PRXL2C: variants seen among roughly 807,000 people sequenced by gnomAD.
PRXL2C encodes the protein peroxiredoxin like 2C, also known as peroxiredoxin-like 2C.
A neutral mutation model predicts 24.9 loss-of-function variants in PRXL2C; 38 were observed. The ratio of observed to expected loss-of-function variants is 1.53; its 90% CI spans 1.18 to 2.00. The LOEUF is 2.00. PRXL2C is among the 30% of genes most tolerant of loss of function. The pLI is 0.00. For missense variants in PRXL2C, 294 were observed against 290.9 expected (o/e 1.01, Z -0.08); for synonymous variants, 98 against 117.2 (o/e 0.84, Z 1.06).
At chr9:96,643,452 TAGTC>T (rs998175148) in intron 5 of PRXL2C, among the ~76,000 whole-genome samples, 2 of 152,146 alleles carry the variant, frequency 1.3e-5, no homozygotes, top group African/African-American at 4.8e-5. Flanking sequence ...TTCACCGTGT[TAGTC>T]AGGATTGTCT....
chr9:96,646,849 G>A (rs535924905), intron 4 of PRXL2C, among the ~76,000 whole-genome samples: 1 of 152,228 alleles, frequency 6.6e-6, no homozygotes, highest in Non-Finnish European at 1.5e-5. Flanking sequence ...GGAGTGCAAT[G>A]GCGCAATCTT....
rs1196687601 is a variant in PRXL2C, at chr9:96,655,086, T to TCACCCGCA, written c.188_192+3dup. The TCACCCGCA allele has an allele frequency of 2.7e-6, 4 of 1,454,640 alleles. No individual in the cohort carries two copies. In the Admixed American group the frequency reaches 1.0e-4, roughly 37 times the overall value. 90.1% of individuals were successfully genotyped at this position (1,454,640 alleles called of 1,614,324 possible). On this transcript the variant is annotated splice_donor_region_variant and intron_variant, in intron 1 of 5. Coordinates refer to ENST00000375234, the MANE Select transcript of PRXL2C (RefSeq NM_153698.2). ...CTTCCCTTCCAGCCCCGCCGCCCGC[T>TCACCCGCA]CACCCGCACGAACACCACCACGGCG...
intron 5 of PRXL2C, among the ~76,000 whole-genome samples, chr9:96,645,564 G>C (rs937392042): frequency 6.6e-6 from 1 of 151,840 alleles, no homozygotes. Context: ...TTGGGAGGCC[G>C]AGGTGGGTGG....
At position 96,651,796 on chromosome 9, in the gene PRXL2C, T is replaced by G. The variant is rs1848270383; in HGVS notation, c.262-84A>C. On this transcript the variant is annotated intron_variant, in intron 2 of 5. Coordinates refer to ENST00000375234, the MANE Select transcript of PRXL2C (RefSeq NM_153698.2). ...CATCCCTTAACCCAACTCTTATGTT[T>G]CATTCTAATGCCACCTATAGGCTTC... 3 of 1,193,224 alleles carry G rather than the reference T, an allele frequency of 2.5e-6. No individual in the cohort carries two copies. The East Asian group carries it at 7.1e-5, about 28-fold the overall frequency. 73.9% of individuals were successfully genotyped at this position (1,193,224 alleles called of 1,614,324 possible).
intron 4 of PRXL2C, among the ~76,000 whole-genome samples, chr9:96,650,278 G>C (rs1237862418): frequency 6.6e-6 from 1 of 152,136 alleles, no homozygotes; most frequent in African/African-American, 2.4e-5. Flanking sequence ...CCAACACAGT[G>C]GGTATCAAAC....
chr9:96,653,314 G>A (rs555079721), intron 2 of PRXL2C, among the ~76,000 whole-genome samples: 11 of 152,112 alleles, frequency 7.2e-5, no homozygotes, highest in African/African-American at 2.7e-4. Context: ...GACAACACTA[G>A]ATGCACCTGG....
rs1848118002 is a variant in PRXL2C, at chr9:96,641,751, A to G, written c.*8T>C. 1 of 1,557,314 alleles carries G rather than the reference A, an allele frequency of 6.4e-7. No homozygotes were observed. Among genetic ancestry groups the G allele is most frequent in the Admixed American group, 1.7e-5 (1 of 58,130 alleles). On this transcript the variant is annotated 3_prime_UTR_variant, in exon 6 of 6. Coordinates refer to ENST00000375234, the MANE Select transcript of PRXL2C (RefSeq NM_153698.2). ...GGTCCAGTTGAAAGTGACTGAGTGC[A>G]TTTTAAGTCACACATGGATAACTGA...
At position 96,651,666 on chromosome 9, in the gene PRXL2C, T is replaced by G; in HGVS notation, c.308A>C (p.His103Pro). The G allele has an allele frequency of 6.2e-7, 1 of 1,609,574 alleles. No homozygotes were observed. The highest frequency in any genetic ancestry group is 1.1e-5 in the South Asian group (1 of 90,302). ...LIVIGQSSYH[H>P]IEPFCKLTGY... ...AATGTACTAGATATTTACCTCAATA[T>G]GATGGTAGGATGACTGTCCAATCAC... The change falls in exon 3 of 6, where the codon CAT becomes CCT. Residue 103 changes from histidine to proline, a missense_variant. Coordinates refer to ENST00000375234, the MANE Select transcript of PRXL2C (RefSeq NM_153698.2).
chr9:96,655,013 G>A lies in PRXL2C; in HGVS notation c.192+77C>T, dbSNP rs936947168. The stretch of plus-strand genomic sequence containing the variant: ...CTTCCCGTTTCCGTCCTAAGAAGCA[G>A]GAGGCGCGGCTCGCATCCCGGCAGC... On this transcript the variant is annotated intron_variant, in intron 1 of 5. Coordinates refer to ENST00000375234, the MANE Select transcript of PRXL2C (RefSeq NM_153698.2). 9.3e-6 allele frequency: 13 copies of A among 1,395,124 alleles called. No homozygotes were observed. The African/African-American group carries it at 2.0e-4, about 21-fold the overall frequency. 86.4% of individuals were successfully genotyped at this position (1,395,124 alleles called of 1,614,324 possible).
intron 4 of PRXL2C, among the ~76,000 whole-genome samples, chr9:96,648,779 A>T (rs962575491): frequency 2.0e-5 from 3 of 149,092 alleles, no homozygotes; most frequent in South Asian, 2.1e-4. Context: ...AAAGTGCTAA[A>T]TTTTTTTTTT....
Position 96,653,208 on chromosome 9 carries a change from T to C in PRXL2C, c.262-1496A>G, listed in dbSNP as rs373656379. Among the ~76,000 whole-genome samples the C allele has an allele frequency of 3.6e-4, 53 of 148,018 alleles. 1 individual carries two copies. The South Asian group carries it at 8.4e-3, about 24-fold the overall frequency. On this transcript the variant is annotated intron_variant, in intron 2 of 5. Transcript: ENST00000375234. ...CGCCACTGCACTCCAGCCTGGGCGA[T>C]AGAGTGAGACTCCATCTCAAAAAAA...
chr9:96,654,872 A>AC, intron 1 of PRXL2C, 99 bp from the exon 2 acceptor site: 1 of 1,321,622 alleles, frequency 7.6e-7, no homozygotes, highest in Non-Finnish European at 1.0e-6. Flanking sequence ...AGCAAAGGCG[A>AC]CGCCCGCGGG....
chr9:96,649,365 G>T (rs1188228449), intron 4 of PRXL2C, among the ~76,000 whole-genome samples: 1 of 148,300 alleles, frequency 6.7e-6, no homozygotes, highest in Non-Finnish European at 1.5e-5. Flanking sequence ...GGGAGTTCAA[G>T]ACCAGCCTGA....
Position 96,653,216 on chromosome 9 carries a change from G to C in PRXL2C, c.261+1489C>G, listed in dbSNP as rs199609572. Among the ~76,000 whole-genome samples the C allele has an allele frequency of 2.0e-4, 29 of 148,000 alleles. No individual in the cohort carries two copies. The East Asian group carries it at 5.7e-3, about 29-fold the overall frequency. Reference sequence around the variant, plus strand: ...CACTCCAGCCTGGGCGATAGAGTGAGACTCCATCTCAAAAAAAAAAAAAGA... The same window carrying C: ...CACTCCAGCCTGGGCGATAGAGTGACACTCCATCTCAAAAAAAAAAAAAGA... On this transcript the variant is annotated intron_variant, in intron 2 of 5. Coordinates refer to ENST00000375234, the MANE Select transcript of PRXL2C (RefSeq NM_153698.2).
intron 2 of PRXL2C, among the ~76,000 whole-genome samples, chr9:96,654,457 T>G (rs1270556318): frequency 6.6e-6 from 1 of 152,244 alleles, no homozygotes; most frequent in East Asian, 1.9e-4. Context: ...CAGTCAACAT[T>G]TGAGAACAGG....
intron 4 of PRXL2C, among the ~76,000 whole-genome samples, chr9:96,650,752 C>G (rs749931817): frequency 8.5e-5 from 13 of 152,114 alleles, no homozygotes; most frequent in Non-Finnish European, 1.8e-4. Flanking sequence ...AGCCAATTTT[C>G]TCACTCCCCT....
chr9:96,655,259 G>A lies in PRXL2C; in HGVS notation c.23C>T (p.Thr8Met). The change falls in exon 1 of 6, where the codon ACG (threonine) becomes ATG (methionine). Residue 8 changes from threonine (T) to methionine (M), a missense_variant. Coordinates refer to ENST00000375234, the MANE Select transcript of PRXL2C (RefSeq NM_153698.2). ...GGCGGCGGCGCCGCTAACCTGCCGCGTGACCGGGGCCGGCGCGGCCATGAC... is the reference window on the plus strand; with the variant it reads ...GGCGGCGGCGCCGCTAACCTGCCGCATGACCGGGGCCGGCGCGGCCATGAC... Reference protein sequence around the residue: MAAPAPVTRQVSGAAALV... With the variant: MAAPAPVMRQVSGAAALV... 1 of 1,099,784 alleles carries A rather than the reference G, an allele frequency of 9.1e-7. No homozygotes were observed. Among genetic ancestry groups the A allele is most frequent in the Non-Finnish European group, 1.1e-6 (1 of 904,818 alleles). 68.1% of individuals were successfully genotyped at this position (1,099,784 alleles called of 1,614,324 possible). A position where few individuals can be genotyped will look rare whatever the true frequency, so the allele number is the denominator to read the frequency against.
chr9:96,650,269 C>T (rs1848250715), intron 4 of PRXL2C, among the ~76,000 whole-genome samples: 1 of 152,130 alleles, frequency 6.6e-6, no homozygotes, highest in Non-Finnish European at 1.5e-5. Flanking sequence ...TGGGAGCATC[C>T]AACACAGTGG....
At chr9:96,648,778 A>T (rs892620811) in intron 4 of PRXL2C, among the ~76,000 whole-genome samples, 3 of 152,042 alleles carry the variant, frequency 2.0e-5, no homozygotes, top group African/African-American at 7.2e-5. Flanking sequence ...TAAAGTGCTA[A>T]ATTTTTTTTT....
Sources: gnomAD v4.1 joint callset for allele counts (sites outside exome capture counted in the v4.1 genomes callset) on GRCh38, gnomAD v4.1.1 for gene constraint, MANE v1.5 for transcripts, NCBI Gene and HGNC (gene_info 2026-07-23, HGNC 2026-07-21) for gene names.